MALAT1: variants seen among roughly 807,000 people sequenced by gnomAD.
MALAT1 encodes hepcarcin.
At chr11:65,505,565 A>AC (rs1472376673) in intron 3 of MALAT1, 2 of 515,722 alleles carry the variant, frequency 3.9e-6, no homozygotes, top group Non-Finnish European at 7.8e-6. Context: ...CCACATCGCC[A>AC]CCCCGTGCCT....
chr11:65,505,511 A>G (rs754076548), intron 3 of MALAT1: 6 of 515,814 alleles, frequency 1.2e-5, no homozygotes, highest in Admixed American at 1.9e-5. Context: ...TAGCTTTTCC[A>G]GAAGCCTGTT....
chr11:65,503,386 G>A lies in MALAT1; in HGVS notation n.4649G>A, dbSNP rs752582849. The A allele has an allele frequency of 7.7e-6, 4 of 518,168 alleles. No individual in the cohort carries two copies. The East Asian group carries it at 2.2e-4, about 28-fold the overall frequency. 32.1% of individuals were successfully genotyped at this position (518,168 alleles called of 1,614,324 possible). Reference sequence around the variant, plus strand: ...TCCTGTGGGCTTCAGTGATGGGATAGTACACTTCACTCAGAGGCATTTGCA... The same window carrying A: ...TCCTGTGGGCTTCAGTGATGGGATAATACACTTCACTCAGAGGCATTTGCA... On this transcript the variant is annotated non_coding_transcript_exon_variant, in exon 3 of 4. Coordinates refer to ENST00000619449, the Ensembl canonical transcript of MALAT1.
intron 3 of MALAT1, chr11:65,505,538 C>T (rs781230385): frequency 3.9e-6 from 2 of 515,854 alleles, no homozygotes; most frequent in South Asian, 2.8e-5. Flanking sequence ...AAGGTCTCCC[C>T]ACAAGCAACT....
chr11:65,500,746 A>G (rs1183733242), exon 3 of MALAT1: 2 of 518,892 alleles, frequency 3.9e-6, no homozygotes, highest in Non-Finnish European at 3.8e-6. Flanking sequence ...CCAAGGCCAC[A>G]GGGAAAGCGA....
At chr11:65,497,784 C>T (rs893210053) in exon 1 of MALAT1, 1 of 477,232 alleles carries the variant, frequency 2.1e-6, no homozygotes, top group African/African-American at 2.0e-5. Context: ...GGCCCCGCAA[C>T]TGGCCTCTCC....
exon 3 of MALAT1, chr11:65,500,564 T>G (rs1854522139): frequency 1.9e-6 from 1 of 518,500 alleles, no homozygotes; most frequent in African/African-American, 1.9e-5. Context: ...TGAAGGAAGC[T>G]AGGAAGAAGG....
exon 3 of MALAT1, chr11:65,503,777 G>A (rs368394535): frequency 2.3e-5 from 12 of 514,406 alleles, no homozygotes; most frequent in East Asian, 1.1e-4. Flanking sequence ...GGATTTGAGC[G>A]GAAGAACGAA....
At chr11:65,502,957 CA>C (rs776481579) in exon 3 of MALAT1, 1 of 495,174 alleles carries the variant, frequency 2.0e-6, no homozygotes, top group African/African-American at 1.9e-5. Context: ...ATGTCCATCT[CA>C]AAATACTGCT....
chr11:65,500,874 T>TTTA (rs760799373), exon 3 of MALAT1: 1 of 518,244 alleles, frequency 1.9e-6, no homozygotes, highest in Admixed American at 1.9e-5. Flanking sequence ...TGTAAAGGGA[T>TTTA]TTATATGGGG....
At chr11:65,502,320 G>A (rs1854568471) in exon 3 of MALAT1, 1 of 516,592 alleles carries the variant, frequency 1.9e-6, no homozygotes, top group Non-Finnish European at 3.9e-6. Context: ...AACTACTATA[G>A]AAACTGCAGA....
chr11:65,499,085 G>A (rs756963857), exon 3 of MALAT1: 3 of 518,204 alleles, frequency 5.8e-6, no homozygotes, highest in Admixed American at 1.9e-5. Context: ...TGCTGAGGGG[G>A]CAGGCGGAGC....
chr11:65,506,372 CTTGTCT>C, exon 4 of MALAT1: 1 of 437,548 alleles, frequency 2.3e-6, no homozygotes, highest in South Asian at 1.7e-5. Flanking sequence ...ATATAACTGC[CTTGTCT>C]TTTTCAGGTA....
At chr11:65,501,429 A>C in exon 3 of MALAT1, 1 of 516,654 alleles carries the variant, frequency 1.9e-6, no homozygotes, top group African/African-American at 1.9e-5. Context: ...TCCATTGGAG[A>C]AATGGCTGGT....
At chr11:65,497,775 G>A (rs771785341) in exon 1 of MALAT1, 1 of 467,680 alleles carries the variant, frequency 2.1e-6, no homozygotes, top group Admixed American at 2.4e-5. Context: ...AAGGACTGGG[G>A]CCCCGCAACT....
intron 1 of MALAT1, chr11:65,498,049 C>G (rs760260094): frequency 2.9e-5 from 15 of 518,960 alleles, no homozygotes; most frequent in South Asian, 1.7e-4. Context: ...TATTTTTCTT[C>G]CTGCTCCGGT....
chr11:65,504,674 A>G (rs769839086), intron 3 of MALAT1: 11 of 518,986 alleles, frequency 2.1e-5, no homozygotes, highest in South Asian at 1.5e-4. Flanking sequence ...CCTTAAAATC[A>G]GTGACAAGAA....
chr11:65,506,204 C>T, intron 3 of MALAT1: 1 of 449,760 alleles, frequency 2.2e-6, no homozygotes, highest in South Asian at 1.7e-5. Flanking sequence ...GTCTTCAGGA[C>T]TCTTTCTGTA....
At chr11:65,504,379 A>C in intron 3 of MALAT1, 1 of 518,576 alleles carries the variant, frequency 1.9e-6, no homozygotes, top group Non-Finnish European at 3.9e-6. Context: ...TCTGTTGGCA[A>C]GTAAATGCAG....
At chr11:65,502,921 T>G in exon 3 of MALAT1, 2 of 493,380 alleles carry the variant, frequency 4.1e-6, no homozygotes, top group Non-Finnish European at 8.1e-6. Context: ...AAATAATGAA[T>G]TGATGAGAAA....
Sources: allele counts gnomAD v4.1 joint callset, GRCh38; gene constraint gnomAD v4.1.1; transcripts MANE v1.5; gene names NCBI Gene and HGNC (gene_info 2026-07-23, HGNC 2026-07-21).